Variants in GALM observed in about 807,000 individuals in gnomAD.
The protein encoded by GALM is galactose mutarotase.
In GALM, 43 loss-of-function variants were observed where a neutral mutation model predicts 37.4. The observed-to-expected ratio is 1.15, with a 90% CI of 0.90 to 1.48. GALM has a LOEUF of 1.48. Among genes scored for constraint, GALM ranks in the 40% most tolerant of loss-of-function variants. GALM has a pLI of 0.00. For missense variants in GALM, 456 were observed against 419.1 expected, an observed-to-expected ratio of 1.09 and a Z score of -0.77; for synonymous variants, 199 against 170.6, an observed-to-expected ratio of 1.17 and a Z score of -1.30.
At chr2:38,730,742 G>A (rs1666590729) in intron 5 of GALM, among the ~76,000 whole-genome samples, 2 of 151,680 alleles carry the variant, frequency 1.3e-5, no homozygotes, top group African/African-American at 4.8e-5. Context: ...CCAACATGGT[G>A]AAACGCCGTC....
At chr2:38,668,805 TTA>T (rs1491134036) in intron 1 of GALM, 4 of 150,508 alleles carry the variant, frequency 2.7e-5, no homozygotes, top group African/African-American at 9.9e-5. Flanking sequence ...AAATTTAAAT[TTA>T]AAAAAAATTT....
intron 4 of GALM, among the ~76,000 whole-genome samples, chr2:38,706,108 C>A (rs1045543579): frequency 1.3e-5 from 2 of 151,916 alleles, no homozygotes; most frequent in African/African-American, 4.8e-5. Flanking sequence ...CAGGTTCAAG[C>A]GATTCTCCTG....
intron 4 of GALM, among the ~76,000 whole-genome samples, chr2:38,727,650 C>T (rs1314377576): frequency 6.7e-6 from 1 of 150,024 alleles, no homozygotes; most frequent in African/African-American, 2.5e-5. Flanking sequence ...TCACTTGAAC[C>T]AGGAGGCAGA....
rs1468109734 is a variant in GALM at position 38,729,556 on chromosome 2, G to C, written c.635G>C (p.Gly212Ala). 1 of 1,612,886 alleles carries C rather than the reference G, an allele frequency of 6.2e-7. No individual in the cohort carries two copies. The change falls in exon 5 of 7, where the codon GGA (glycine) becomes GCA (alanine). Residue 212 changes from glycine (G) to alanine (A), a missense_variant and splice_region_variant. By Grantham distance (60) the Gly-to-Ala change is moderately conservative (BLOSUM62 0). Coordinates refer to ENST00000272252, the MANE Select transcript of GALM (RefSeq NM_138801.3). ...LPVDETLIPT[G>A]EVAPVQGTAF... ...TTTGTTTTCTGTCTCTTCCCATCAG[G>C]AGAAGTTGCCCCAGTGCAAGGCACT...
intron 4 of GALM, among the ~76,000 whole-genome samples, chr2:38,705,365 A>G (rs1032726405): frequency 1.3e-5 from 2 of 152,186 alleles, no homozygotes; most frequent in Non-Finnish European, 2.9e-5. Context: ...GCACCTACTG[A>G]TTGCTACATG....
chr2:38,666,332 T>C lies in GALM; in HGVS notation c.171T>C (p.Leu57=), dbSNP rs373909526. Residue 57 remains leucine, a synonymous_variant, in exon 1 of 7, where the codon CTT becomes CTC. Coordinates refer to ENST00000272252, the MANE Select transcript of GALM (RefSeq NM_138801.3). ...DRQGRASDVV[L]GFAELEGYLQ... ...AGGGGAGAGCCTCGGACGTGGTGCT[T>C]GGCTTCGCCGAGTTGGAAGGTGGGT... is the stretch of plus-strand genomic sequence containing the variant. 2.5e-6 allele frequency: 4 copies of C among 1,612,498 alleles called. 1 individual carries two copies. In the South Asian group the frequency reaches 4.4e-5, roughly 18 times the overall value.
chr2:38,728,402 A>AC (rs200016092), intron 4 of GALM, among the ~76,000 whole-genome samples: 2,144 of 151,490 alleles, frequency 0.014, 48 homozygotes, highest in African/African-American at 0.049. Flanking sequence ...CAAAAAAAAA[A>AC]AACTTTTTTT....
At chr2:38,728,210 A>G (rs1666525276) in intron 4 of GALM, among the ~76,000 whole-genome samples, 2 of 152,182 alleles carry the variant, frequency 1.3e-5, no homozygotes, top group South Asian at 2.1e-4. Flanking sequence ...CCTGGCCAAC[A>G]TGGTGAAACC....
chr2:38,688,748 T>G (rs1317329052), intron 3 of GALM, among the ~76,000 whole-genome samples: 1 of 152,194 alleles, frequency 6.6e-6, no homozygotes, highest in African/African-American at 2.4e-5. Context: ...AACAACACAA[T>G]GCACCTTTCC....
At chr2:38,691,184 G>T (rs1665664448) in intron 4 of GALM, among the ~76,000 whole-genome samples, 1 of 152,176 alleles carries the variant, frequency 6.6e-6, no homozygotes, top group Non-Finnish European at 1.5e-5. Context: ...ATAAGTGGAG[G>T]TTATGAAATA....
intron 4 of GALM, among the ~76,000 whole-genome samples, chr2:38,726,469 G>T (rs552913445): frequency 6.6e-6 from 1 of 151,652 alleles, no homozygotes; most frequent in Non-Finnish European, 1.5e-5. Context: ...CTCGTGATCC[G>T]CCCGCCTCGG....
chr2:38,686,265 TTTCTTTCTTTCTTA>T (rs2148432940), intron 3 of GALM, among the ~76,000 whole-genome samples: 1 of 117,336 alleles, frequency 8.5e-6, no homozygotes, highest in East Asian at 4.1e-4. Context: ...TCTTTCTTTC[TTTCTTTCTTTCTTA>T]TTTTGAGATG....
At chr2:38,694,543 A>C (rs971390424) in intron 4 of GALM, among the ~76,000 whole-genome samples, 3 of 152,128 alleles carry the variant, frequency 2.0e-5, no homozygotes, top group Admixed American at 2.0e-4. Flanking sequence ...AAGGAGGGAG[A>C]GGTTTTCTTG....
At chr2:38,721,364 G>A (rs369863992) in intron 4 of GALM, among the ~76,000 whole-genome samples, 1 of 152,188 alleles carries the variant, frequency 6.6e-6, no homozygotes, top group Non-Finnish European at 1.5e-5. Context: ...TGAGGCAGTT[G>A]TAGTGGCTAG....
At position 38,730,331 on chromosome 2, in the gene GALM, A is replaced by G. The variant is rs993915439; in HGVS notation, c.776+634A>G. The stretch of plus-strand genomic sequence containing the variant: ...GCCCAGACTGGAATGCAGTGGTGCG[A>G]TCTAGGTTTACTGCAACCTCCGCCT... On this transcript the variant is annotated intron_variant, in intron 5 of 6. Transcript: ENST00000272252. Among the ~76,000 whole-genome samples the G allele has an allele frequency of 3.3e-5, 5 of 152,160 alleles. No homozygotes were observed. The South Asian group carries it at 8.3e-4, about 25-fold the overall frequency.
At position 38,715,759 on chromosome 2, in the gene GALM, G is replaced by T. The variant is rs528802968; in HGVS notation, c.635-13797G>T. Among the ~76,000 whole-genome samples the T allele has an allele frequency of 5.3e-5, 8 of 152,274 alleles. No individual in the cohort carries two copies. The South Asian group carries it at 1.5e-3, about 28-fold the overall frequency. On this transcript the variant is annotated intron_variant, in intron 4 of 6. Transcript: ENST00000272252. ...GCAATCGAGTTTTCCTAACTCCAGAGTTACGCTGTTATTTCCCTCTGCTAC... is the reference window on the plus strand; with the variant it reads ...GCAATCGAGTTTTCCTAACTCCAGATTTACGCTGTTATTTCCCTCTGCTAC...
intron 4 of GALM, among the ~76,000 whole-genome samples, chr2:38,709,559 A>G (rs139142725): frequency 6.6e-6 from 1 of 152,064 alleles, no homozygotes; most frequent in Non-Finnish European, 1.5e-5. Context: ...AAAGGAAAAA[A>G]AAAAAAAACA....
In GALM at chr2:38,733,493, C is replaced by A; in HGVS notation, c.957C>A (p.Arg319=). 1 of 1,613,774 alleles carries A rather than the reference C, an allele frequency of 6.2e-7. No individual in the cohort carries two copies. Among genetic ancestry groups the A allele is most frequent in the Non-Finnish European group, 8.5e-7 (1 of 1,179,710 alleles). ...QNWPDAVNQP[R]FPPVLLRPGE... ...GTGTTGTTTCCCCTTCACAGCCCCG[C>A]TTCCCTCCTGTGCTGCTGAGGCCTG... Residue 319 remains arginine, a synonymous_variant, in exon 7 of 7, where the codon CGC becomes CGA. Coordinates refer to ENST00000272252, the MANE Select transcript of GALM (RefSeq NM_138801.3).
rs368253953 is a variant in GALM at position 38,689,853 on chromosome 2, C to T, written c.593C>T (p.Ala198Val). The T allele has an allele frequency of 2.4e-5, 39 of 1,611,872 alleles. No individual in the cohort carries two copies. Among genetic ancestry groups the T allele is most frequent in the Admixed American group, 5.0e-5 (3 of 59,852 alleles). The change falls in exon 4 of 7, where the codon GCG (alanine) becomes GTG (valine). Residue 198 changes from alanine to valine, a missense_variant. By Grantham distance (64) the Ala-to-Val change is moderately conservative. Transcript: ENST00000272252. ...AATGACCATGAAGTCACCATAGAAG[C>T]GGATACTTATTTGCCTGTGGATGAA... ...NINDHEVTIEADTYLPVDETL... is the reference protein window; with the variant it reads ...NINDHEVTIEVDTYLPVDETL...
Sources: allele counts gnomAD v4.1 joint callset (sites outside exome capture counted in the v4.1 genomes callset), GRCh38; gene constraint gnomAD v4.1.1; transcripts MANE v1.5; gene names NCBI Gene and HGNC (gene_info 2026-07-23, HGNC 2026-07-21).